STK32C: variants seen among roughly 807,000 people sequenced by gnomAD.
STK32C encodes serine/threonine kinase 32C.
Under a neutral mutation model 56.5 loss-of-function variants are expected in STK32C, and 31 were observed. That is an observed-to-expected ratio of 0.55 (90% CI 0.41 to 0.74). STK32C has a LOEUF of 0.74. Ranked by LOEUF, STK32C falls within the 30% of genes least tolerant of loss-of-function variation. The pLI, the probability that STK32C is intolerant of heterozygous loss-of-function variation, is 0.00. For missense variants in STK32C, 544 were observed against 676.9 expected (o/e 0.80, Z 2.18); for synonymous variants, 309 against 289.4 (o/e 1.07, Z -0.69).
At chr10:132,242,586 C>T (rs1011040518) in intron 2 of STK32C, among the ~76,000 whole-genome samples, 1 of 152,096 alleles carries the variant, frequency 6.6e-6, no homozygotes, top group Admixed American at 6.5e-5. Context: ...CAGTCACAAA[C>T]CATCACAGCC....
At chr10:132,291,969 G>A (rs2065578823) in intron 1 of STK32C, among the ~76,000 whole-genome samples, 1 of 152,152 alleles carries the variant, frequency 6.6e-6, no homozygotes, top group African/African-American at 2.4e-5. Flanking sequence ...ATTGCAGTGA[G>A]GTCCACATAC....
At position 132,223,749 on chromosome 10, in the gene STK32C, C is replaced by T. The variant is rs188440528; in HGVS notation, c.993+658G>A. Among the ~76,000 whole-genome samples, 16 of 152,336 alleles carry T rather than the reference C, an allele frequency of 1.1e-4. No individual in the cohort carries two copies. In the East Asian group the frequency reaches 2.5e-3, roughly 24 times the overall value. On this transcript the variant is annotated intron_variant, in intron 8 of 11. Transcript: ENST00000298630. ...ACACGGGGGCCGGGAGGCAGCCGGG[C>T]CCGTGTGGCACACTCACTCCCCTCC... is the stretch of plus-strand genomic sequence containing the variant.
intron 1 of STK32C, among the ~76,000 whole-genome samples, chr10:132,246,625 C>A (rs112282920): frequency 3.9e-4 from 59 of 152,362 alleles, no homozygotes; most frequent in African/African-American, 1.4e-3. Context: ...CTGCAAGTCC[C>A]TCCGGGAGAA....
At chr10:132,317,967 C>CAAAAAAAAAAA (rs1223040750) in intron 1 of STK32C, among the ~76,000 whole-genome samples, 162 of 55,570 alleles carry the variant, frequency 2.9e-3, no homozygotes, top group Non-Finnish European at 4.5e-3. Flanking sequence ...GACTCTGTCT[C>CAAAAAAAAAAA]AAAAAAAAAA....
chr10:132,222,580 T>A, intron 10 of STK32C, 61 bp downstream of exon 10: 1 of 1,588,452 alleles, frequency 6.3e-7, no homozygotes, highest in South Asian at 1.1e-5. Context: ...CCTTGCTCGG[T>A]GGTAGAGAGG....
intron 2 of STK32C, among the ~76,000 whole-genome samples, chr10:132,242,540 C>T (rs541654750): frequency 2.6e-5 from 4 of 152,012 alleles, no homozygotes; most frequent in South Asian, 4.2e-4. Flanking sequence ...GACCCTCCCC[C>T]GGGAGAGGGG....
chr10:132,331,578 A>G, exon 1 of STK32C: 18 of 1,612,914 alleles, frequency 1.1e-5, no homozygotes, highest in Non-Finnish European at 1.5e-5. Context: ...TGGCTCCAGG[A>G]AGCCCCAGGA....
chr10:132,309,388 C>T (rs769246524), upstream of STK32C, among the ~76,000 whole-genome samples: 3 of 152,034 alleles, frequency 2.0e-5, no homozygotes, highest in South Asian at 2.1e-4. Context: ...ATGCACCCAC[C>T]TGGACATGCA....
chr10:132,320,209 T>C (rs1385012243), downstream of STK32C, among the ~76,000 whole-genome samples: 4 of 151,544 alleles, frequency 2.6e-5, no homozygotes, highest in Non-Finnish European at 5.9e-5. Context: ...TGGTGGGGGG[T>C]GTGCAGGATG....
At chr10:132,287,066 CAT>C (rs2065426739) in intron 1 of STK32C, among the ~76,000 whole-genome samples, 1 of 152,140 alleles carries the variant, frequency 6.6e-6, no homozygotes, top group South Asian at 2.1e-4. Context: ...TTTTAAAAAA[CAT>C]AAAATATGTG....
In STK32C at chr10:132,251,590, A is replaced by G. The variant is rs570124152; in HGVS notation, c.263-5635T>C. On this transcript the variant is annotated intron_variant, in intron 1 of 11. Transcript: ENST00000298630. ...TCAGGACTTGGGTGAGCACCCCAAG[A>G]GGGTGGTGGGTGCCCACCTCAGATC... 4.2e-4 allele frequency among the ~76,000 whole-genome samples: 64 copies of G among 152,206 alleles called. No individual in the cohort carries two copies. The South Asian group carries it at 0.012, about 28-fold the overall frequency.
chr10:132,303,855 C>T (rs762580088), intron 1 of STK32C, among the ~76,000 whole-genome samples: 16 of 152,324 alleles, frequency 1.1e-4, no homozygotes, highest in South Asian at 6.2e-4. Context: ...TTTCCCTTCC[C>T]GCCAGCTCCG....
intron 1 of STK32C, among the ~76,000 whole-genome samples, chr10:132,296,704 T>C (rs1443423317): frequency 6.6e-6 from 1 of 152,198 alleles, no homozygotes; most frequent in African/African-American, 2.4e-5. Context: ...TGGCACAGCA[T>C]CTGGTGGTTA....
At chr10:132,288,819 G>A (rs2065487069) in intron 1 of STK32C, among the ~76,000 whole-genome samples, 1 of 152,100 alleles carries the variant, frequency 6.6e-6, no homozygotes, top group African/African-American at 2.4e-5. Flanking sequence ...CTCAATAAAT[G>A]GAGAGATGTA....
At chr10:132,284,646 A>G (rs867080734) in intron 1 of STK32C, among the ~76,000 whole-genome samples, 149 of 122,642 alleles carry the variant, frequency 1.2e-3, no homozygotes, top group Middle Eastern at 8.8e-3. Flanking sequence ...ACATTCCCAC[A>G]TCTGCCCAAA....
chr10:132,319,264 T>A (rs1318542360), downstream of STK32C, among the ~76,000 whole-genome samples: 1 of 152,044 alleles, frequency 6.6e-6, no homozygotes, highest in Admixed American at 6.6e-5. Context: ...ACAGCTACAC[T>A]GGAAAACAGT....
At chr10:132,240,036 T>C (rs567760303) in intron 2 of STK32C, among the ~76,000 whole-genome samples, 1 of 152,290 alleles carries the variant, frequency 6.6e-6, no homozygotes, top group Non-Finnish European at 1.5e-5. Context: ...TGCCTTCCGG[T>C]GGAGCTGCCA....
At chr10:132,324,457 TATG>T (rs1390623043) in intron 1 of STK32C, 3 of 681,794 alleles carry the variant, frequency 4.4e-6, no homozygotes, top group Admixed American at 2.3e-5. Context: ...TGTCACATTG[TATG>T]ATGATTGGTT....
intron 2 of STK32C, among the ~76,000 whole-genome samples, chr10:132,244,894 G>A (rs756225776): frequency 9.2e-5 from 14 of 152,186 alleles, no homozygotes; most frequent in Non-Finnish European, 1.6e-4. Context: ...TGGTCAACCA[G>A]CCTCACCAGC....
Sources: allele counts gnomAD v4.1 joint callset (sites outside exome capture counted in the v4.1 genomes callset), GRCh38; gene constraint gnomAD v4.1.1; transcripts MANE v1.5; gene names NCBI Gene and HGNC (gene_info 2026-07-23, HGNC 2026-07-21).